SSR4: variants seen among roughly 807,000 people sequenced by gnomAD.
The protein encoded by SSR4 is translocon-associated protein subunit delta.
For synonymous variants in SSR4, 84 were observed against 65.6 expected, an observed-to-expected ratio of 1.28 and a Z score of -1.35; for missense variants, 125 against 148.8, an observed-to-expected ratio of 0.84 and a Z score of 0.83.
At chrX:153,794,503 GAC>G (rs1290734930), upstream of SSR4, 1 of 1,158,791 alleles carries the variant, frequency 8.6e-7, no homozygotes, top group Non-Finnish European at 1.2e-6. Context: ...TTGAGGGGGG[GAC>G]CGCGACCAGC....
Position 153,794,739 on chromosome X carries a change from C to G in SSR4, c.52C>G (p.Leu18Val). ...CCTGGCGCTGCTCCTGCTGTCCAGC[C>G]TCTCCCGCTGCTCAGGTAGCGGCCC... The part of the protein sequence containing the change: ...GALALLLLSS[L>V]SRCSAEACLE... The change falls in exon 1 of 6, where the codon CTC becomes GTC. Residue 18 changes from leucine (L) to valine (V), a missense_variant. By Grantham distance (32) the Leu-to-Val change is conservative. Coordinates refer to ENST00000370086, the MANE Select transcript of SSR4 (RefSeq NM_006280.3). The G allele has an allele frequency of 1.3e-5, 16 of 1,211,660 alleles. No individual in the cohort carries two copies. Among genetic ancestry groups the G allele is most frequent in the Non-Finnish European group, 1.8e-5 (16 of 895,338 alleles).
upstream of SSR4, chrX:153,794,337 G>T: frequency 8.4e-7 from 1 of 1,191,644 alleles, no homozygotes. Context: ...GACGGAAAGT[G>T]AGAGCCTCCG....
chrX:153,794,812 T>TG, intron 1 of SSR4, 58 bp downstream of exon 1: 1 of 1,169,961 alleles, frequency 8.5e-7, no homozygotes, highest in Non-Finnish European at 1.2e-6. Flanking sequence ...CAGGTGGTGT[T>TG]GGGGGCAGGA....
intron 1 of SSR4, chrX:153,795,960 A>C: frequency 2.0e-6 from 1 of 503,310 alleles, no homozygotes; most frequent in South Asian, 1.0e-4. Flanking sequence ...CCTTCTGTCA[A>C]CTGGCCGGGG....
upstream of SSR4, chrX:153,794,355 C>T: frequency 2.5e-6 from 3 of 1,182,036 alleles, no homozygotes; most frequent in Non-Finnish European, 3.4e-6. Flanking sequence ...CCGCACGTCC[C>T]GACACGCAGA....
intron 4 of SSR4, 108 bp from the exon 5 acceptor site, chrX:153,797,963 C>T (rs1307349823): frequency 2.6e-5 from 25 of 959,060 alleles, no homozygotes; most frequent in Non-Finnish European, 3.7e-5. Context: ...CTCTCCTTTC[C>T]TTTTCTGGGG....
rs782031044 is a variant in SSR4, at chrX:153,796,849, TTGTC to T, written c.186+301_186+304del. ...CCCACCCCGGTTGCCATTGGCCAGT[TTGTC>T]TGTGTGGGTGTTTTGTTTTTGTTTT... On this transcript the variant is annotated intron_variant, in intron 2 of 5. Transcript: ENST00000370086. The T allele has an allele frequency of 1.5e-3, 461 of 304,400 alleles. 9 individuals carry two copies. The highest frequency in any genetic ancestry group is 3.6e-4 in the South Asian group (5 of 14,058). 25.1% of individuals were successfully genotyped at this position (304,400 alleles called of 1,213,427 possible).
At chrX:153,797,380 G>C in intron 2 of SSR4, 78 bp from the exon 3 acceptor site, 1 of 936,485 alleles carries the variant, frequency 1.1e-6, no homozygotes, top group Non-Finnish European at 1.5e-6. Context: ...CCTGCAGGCC[G>C]TGTGAGCAGC....
Position 153,798,407 on chromosome X carries a change from A to G in SSR4, c.496A>G (p.Ser166Gly), listed in dbSNP as rs1216251756. 2.2e-5 allele frequency: 26 copies of G among 1,193,662 alleles called. No individual in the cohort carries two copies. The highest frequency in any genetic ancestry group is 2.9e-5 in the Non-Finnish European group (26 of 886,716). Residue 166 changes from serine to glycine, a missense_variant, in exon 6 of 6, where the codon AGT becomes GGT. Transcript: ENST00000370086. Reference sequence around the variant, plus strand: ...CCTTGTGATCTACTACTTGGCCTTCAGTGCGAAGAGCCACATCCAGGCCTG... The same window carrying G: ...CCTTGTGATCTACTACTTGGCCTTCGGTGCGAAGAGCCACATCCAGGCCTG... ...IGLVIYYLAF[S>G]AKSHIQA
chrX:153,796,627 C>T (rs782098338), intron 2 of SSR4, 75 bp downstream of exon 2: 26 of 762,128 alleles, frequency 3.4e-5, no homozygotes, highest in Admixed American at 2.7e-4. Flanking sequence ...GGACCTGTGT[C>T]GATAGAGGGA....
At chrX:153,794,503 G>T, upstream of SSR4, 2 of 1,159,698 alleles carry the variant, frequency 1.7e-6, no homozygotes, top group South Asian at 1.9e-5. Context: ...TTGAGGGGGG[G>T]ACCGCGACCA....
chrX:153,796,633 A>G, intron 2 of SSR4, 81 bp downstream of exon 2: 3 of 745,970 alleles, frequency 4.0e-6, no homozygotes, highest in Non-Finnish European at 4.1e-6. Context: ...GTGTCGATAG[A>G]GGGAGAATCA....
chrX:153,795,926 A>G, intron 1 of SSR4: 1 of 664,605 alleles, frequency 1.5e-6, no homozygotes, highest in Non-Finnish European at 1.8e-6. Context: ...TTACTTCTTC[A>G]GGAAACGCTG....
At chrX:153,797,211 A>G (rs782538227) in intron 2 of SSR4, 72 of 407,224 alleles carry the variant, frequency 1.8e-4, no homozygotes, top group Non-Finnish European at 2.6e-4. Context: ...CTCACAGTCA[A>G]CAGGGTTCCT....
rs1352653700 is a variant in SSR4 at position 153,796,500 on chromosome X, C to T, written c.134C>T (p.Thr45Ile). Residue 45 changes from threonine to isoleucine, a missense_variant, in exon 2 of 6, where the codon ACT becomes ATT. Transcript: ENST00000370086. ...YYTTSDAVIS[T>I]ETVFIVEISL... ...ACCACTTCTGACGCTGTCATTTCCA[C>T]TGAGACCGTCTTCATTGTGGAGATC... The T allele has an allele frequency of 1.7e-6, 2 of 1,210,001 alleles. No individual in the cohort carries two copies. Among genetic ancestry groups the T allele is most frequent in the South Asian group, 1.8e-5 (1 of 56,849 alleles).
At chrX:153,798,016 C>T (rs2092152656) in intron 4 of SSR4, 55 bp from the exon 5 acceptor site, 1 of 875,103 alleles carries the variant, frequency 1.1e-6, no homozygotes, top group East Asian at 3.1e-5. Context: ...CCCCTCCCCA[C>T]CCCCACACGC....
chrX:153,794,545 C>T, upstream of SSR4: 1 of 1,170,388 alleles, frequency 8.5e-7, no homozygotes, highest in Non-Finnish European at 1.1e-6. Context: ...GGGGCCACGT[C>T]AGTGCTGCCA....
chrX:153,796,407 C>T (rs2092141548), intron 1 of SSR4, 27 bp from the exon 2 acceptor site: 1 of 1,098,247 alleles, frequency 9.1e-7, no homozygotes, highest in African/African-American at 1.8e-5. Flanking sequence ...CTGGCCTTAC[C>T]CAGGCATCTC....
In SSR4 at chrX:153,798,315, C is replaced by G; in HGVS notation, c.418-14C>G. ...GTACTCCCCTGAGCTGGCTTGTGAT[C>G]TCCTTTTTTTCAGGGCACTTGGAAC... On this transcript the variant is annotated splice_polypyrimidine_tract_variant and intron_variant, in intron 5 of 5. Coordinates refer to ENST00000370086, the MANE Select transcript of SSR4 (RefSeq NM_006280.3). 8.3e-7 allele frequency: 1 copy of G among 1,206,550 alleles called. No homozygotes were observed. Among genetic ancestry groups the G allele is most frequent in the East Asian group, 3.0e-5 (1 of 33,663 alleles).
Sources: allele counts gnomAD v4.1 joint callset, GRCh38; gene constraint gnomAD v4.1.1; transcripts MANE v1.5; gene names NCBI Gene and HGNC (gene_info 2026-07-23, HGNC 2026-07-21).